EIF4E3: variants seen among roughly 807,000 people sequenced by gnomAD.
EIF4E3 encodes the protein eukaryotic translation initiation factor 4E family member 3.
A neutral mutation model predicts 31.7 loss-of-function variants in EIF4E3; 26 were observed. The observed-to-expected ratio is 0.82, with a 90% confidence interval of 0.60 to 1.14. The LOEUF is 1.14. Ranked by LOEUF, EIF4E3 falls within the 50% of genes most tolerant of loss-of-function variation. The pLI, the probability that EIF4E3 is intolerant of heterozygous loss-of-function variation, is 0.00. For missense variants in EIF4E3, 304 were observed against 270.9 expected (o/e 1.12, Z -0.86); for synonymous variants, 128 against 107.7 (o/e 1.19, Z -1.17).
downstream of EIF4E3, chr3:71,675,320 G>C (rs1456448443): frequency 2.6e-5 from 4 of 152,328 alleles, no homozygotes; most frequent in East Asian, 5.8e-4. Context: ...ATCCACACCA[G>C]CAAATGTGTT....
chr3:71,725,497 GCCGCCC>G, upstream of EIF4E3: 1 of 368,362 alleles, frequency 2.7e-6, no homozygotes, highest in Non-Finnish European at 3.6e-6. The surrounding 1 kb of genome is among the most constrained non-coding windows in gnomAD (Gnocchi z 6.1). Flanking sequence ...CCCGCCGCCC[GCCGCCC>G]GCCGCCCGCC....
chr3:71,660,388 T>C, the EIF4E3 span, among the ~76,000 whole-genome samples: 2 of 151,718 alleles, frequency 1.3e-5, no homozygotes, highest in East Asian at 3.9e-4. Context: ...GAGTGCAGAA[T>C]TGCTACAGAG....
upstream of EIF4E3, chr3:71,753,907 G>A: frequency 2.1e-6 from 2 of 958,928 alleles, no homozygotes; most frequent in African/African-American, 1.8e-5. Flanking sequence ...CCCAGGAGGG[G>A]CCGGCCGGGA....
At chr3:71,725,602 G>T (rs1230194975), upstream of EIF4E3, among the ~76,000 whole-genome samples, 7 of 151,986 alleles carry the variant, frequency 4.6e-5, no homozygotes, top group Non-Finnish European at 8.8e-5. This position sits in a 1 kb window ranked among gnomAD's most constrained non-coding sequence, Gnocchi z 6.1. Flanking sequence ...ACGGAGGGAT[G>T]GGGGGCCGAT....
At chr3:71,695,962 G>C (rs150020143) in intron 4 of EIF4E3, among the ~76,000 whole-genome samples, 2 of 152,120 alleles carry the variant, frequency 1.3e-5, no homozygotes, top group African/African-American at 4.8e-5. Flanking sequence ...GGTTCTCATC[G>C]GCCCCAGAGG....
upstream of EIF4E3, chr3:71,754,592 C>A: frequency 2.1e-6 from 3 of 1,421,352 alleles, no homozygotes; most frequent in Non-Finnish European, 2.8e-6. This position sits in a 1 kb window ranked among gnomAD's most constrained non-coding sequence, Gnocchi z 5.8. Flanking sequence ...ACGGCGCCCC[C>A]GGCGCGCTGG....
upstream of EIF4E3, among the ~76,000 whole-genome samples, chr3:71,725,648 G>C (rs1432927669): frequency 2.0e-5 from 3 of 152,080 alleles, no homozygotes; most frequent in Non-Finnish European, 4.4e-5. This position sits in a 1 kb window ranked among gnomAD's most constrained non-coding sequence, Gnocchi z 6.1. Context: ...GGAGACTGAC[G>C]GCCTGGCCTG....
Position 71,725,247 on chromosome 3 carries a change from G to T in EIF4E3, c.121C>A (p.Gln41Lys). ...PLGLQQLSAL[Q>K]PEPGGVPLHS... Reference sequence around the variant, plus strand: ...AGCGGGACCCCGCCCGGCTCAGGCTGCAGCGCCGACAGCTGCTGCAGGCCG... The same window carrying T: ...AGCGGGACCCCGCCCGGCTCAGGCTTCAGCGCCGACAGCTGCTGCAGGCCG... Residue 41 changes from glutamine to lysine, a missense_variant, in exon 1 of 7, where the codon CAG becomes AAG. Physicochemically the swap from Gln to Lys is moderately conservative, Grantham distance 53. Transcript: ENST00000425534. The surrounding 1 kb of genome is among the most constrained non-coding windows in gnomAD (Gnocchi z 6.1). The T allele has an allele frequency of 9.1e-7, 1 of 1,100,978 alleles. No homozygotes were observed. Among genetic ancestry groups the T allele is most frequent in the Non-Finnish European group, 1.1e-6 (1 of 901,888 alleles). 68.2% of individuals were successfully genotyped at this position (1,100,978 alleles called of 1,614,324 possible).
chr3:71,689,377 T>C (rs1232629813), intron 6 of EIF4E3, among the ~76,000 whole-genome samples: 1 of 152,214 alleles, frequency 6.6e-6, no homozygotes, highest in Non-Finnish European at 1.5e-5. Context: ...CTAAGATGTT[T>C]TCATTATGAA....
intron 3 of EIF4E3, 35 bp downstream of exon 3, chr3:71,699,579 C>T (rs755134803): frequency 6.3e-7 from 1 of 1,577,266 alleles, no homozygotes; most frequent in African/African-American, 1.3e-5. Flanking sequence ...CATTTTCCTC[C>T]CACCTTGACC....
chr3:71,698,667 G>A (rs2049173220), intron 3 of EIF4E3, among the ~76,000 whole-genome samples: 1 of 152,232 alleles, frequency 6.6e-6, no homozygotes, highest in African/African-American at 2.4e-5. Context: ...CAAAGTGGGA[G>A]AATGAGACCC....
At chr3:71,754,181 G>C, upstream of EIF4E3, 1 of 1,442,642 alleles carries the variant, frequency 6.9e-7, no homozygotes, top group Non-Finnish European at 9.2e-7. This position sits in a 1 kb window ranked among gnomAD's most constrained non-coding sequence, Gnocchi z 5.8. Flanking sequence ...TGCTGATCGT[G>C]CGGGAGCGCA....
chr3:71,661,054 C>T, the EIF4E3 span, among the ~76,000 whole-genome samples: 16 of 152,138 alleles, frequency 1.1e-4, no homozygotes, highest in Non-Finnish European at 2.1e-4. Flanking sequence ...TCCACAAGTA[C>T]AAGCTGGTCT....
At chr3:71,753,672 G>C (rs1559618649), upstream of EIF4E3, 1 of 141,396 alleles carries the variant, frequency 7.1e-6, no homozygotes, top group African/African-American at 2.8e-5. Flanking sequence ...GGCGGCGGCA[G>C]CGGCGGCAGC....
At chr3:71,673,979 C>T (rs2048859499), downstream of EIF4E3, among the ~76,000 whole-genome samples, 1 of 145,030 alleles carries the variant, frequency 6.9e-6, no homozygotes, top group Admixed American at 6.9e-5. Flanking sequence ...GAGCTTCTCA[C>T]AATTGTCCCC....
At chr3:71,745,121 ATC>A (rs1469001531) in intron 1 of EIF4E3, among the ~76,000 whole-genome samples, 1 of 152,246 alleles carries the variant, frequency 6.6e-6, no homozygotes, top group African/African-American at 2.4e-5. Context: ...TATCATAAAA[ATC>A]TGTCTGCCTT....
upstream of EIF4E3, chr3:71,754,314 C>A: frequency 8.6e-7 from 1 of 1,160,684 alleles, no homozygotes; most frequent in Non-Finnish European, 1.1e-6. This position sits in a 1 kb window ranked among gnomAD's most constrained non-coding sequence, Gnocchi z 5.8. Context: ...GGCGGGGGCG[C>A]CGCCGGGCGC....
the EIF4E3 span, among the ~76,000 whole-genome samples, chr3:71,669,460 AT>A: frequency 2.0e-5 from 3 of 152,212 alleles, no homozygotes; most frequent in African/African-American, 7.2e-5. Flanking sequence ...GGATAAATAC[AT>A]TTTGTCCCCC....
chr3:71,701,891 T>C (rs1387310889), intron 2 of EIF4E3, among the ~76,000 whole-genome samples: 1 of 152,212 alleles, frequency 6.6e-6, no homozygotes, highest in Admixed American at 6.5e-5. Flanking sequence ...TAAAAGCTAC[T>C]GTATTAACAG....
Sources: gnomAD v4.1 joint callset for allele counts (sites outside exome capture counted in the v4.1 genomes callset) on GRCh38, gnomAD v4.1.1 for gene constraint, Gnocchi (gnomAD v3.1) non-coding constraint, MANE v1.5 for transcripts, NCBI Gene and HGNC (gene_info 2026-07-23, HGNC 2026-07-21) for gene names.